Variants in CDH18 observed in about 807,000 individuals in gnomAD.
CDH18 encodes cadherin 18.
CDH18 carries 31 observed loss-of-function variants against 67.9 expected under a neutral mutation model. The ratio of observed to expected loss-of-function variants is 0.46; its 90% CI spans 0.34 to 0.62. CDH18 has a LOEUF of 0.62. CDH18 is among the 20% of genes least tolerant of loss of function. CDH18 has a pLI of 0.01. For missense variants in CDH18, 890 were observed against 975.5 expected (o/e 0.91, Z 1.17); for synonymous variants, 362 against 347.2 (o/e 1.04, Z -0.48).
chr5:20,062,145 T>TTAC (rs1201694922), intron 2 of CDH18, among the ~76,000 whole-genome samples: 1 of 145,274 alleles, frequency 6.9e-6, no homozygotes, highest in African/African-American at 2.5e-5. Context: ...CCCAGAATTA[T>TTAC]TATTATTATT....
intron 1 of CDH18, among the ~76,000 whole-genome samples, chr5:20,517,797 C>T (rs1755470693): frequency 6.6e-6 from 1 of 151,924 alleles, no homozygotes; most frequent in African/African-American, 2.4e-5. Context: ...AGTAAGCATA[C>T]CATGTAGACT....
chr5:20,509,458 AGTG>A (rs1456419142), intron 1 of CDH18, among the ~76,000 whole-genome samples: 1 of 146,588 alleles, frequency 6.8e-6, no homozygotes, highest in African/African-American at 2.5e-5. Flanking sequence ...GCTGGAGTGC[AGTG>A]GCACGATCTT....
intron 1 of CDH18, among the ~76,000 whole-genome samples, chr5:20,417,354 T>C (rs565380332): frequency 3.3e-5 from 5 of 152,178 alleles, no homozygotes; most frequent in Non-Finnish European, 5.9e-5. Context: ...AATTCCTTTT[T>C]GCTTATTACT....
chr5:20,523,209 G>A (rs535574632), intron 1 of CDH18, among the ~76,000 whole-genome samples: 1 of 152,264 alleles, frequency 6.6e-6, no homozygotes, highest in East Asian at 1.9e-4. Flanking sequence ...CTAGGAAAAC[G>A]TTTTCTGAAA....
At chr5:19,591,273 T>C in intron 6 of CDH18, 29 bp from the exon 7 acceptor site, 1 of 1,409,926 alleles carries the variant, frequency 7.1e-7, no homozygotes, top group Non-Finnish European at 9.6e-7. Context: ...TAAACATATT[T>C]AAATACAATG....
At chr5:19,966,363 G>C (rs761180915) in intron 2 of CDH18, among the ~76,000 whole-genome samples, 1 of 152,074 alleles carries the variant, frequency 6.6e-6, no homozygotes, top group African/African-American at 2.4e-5. Flanking sequence ...CTAAAAGTAT[G>C]AAGGCCTGAG....
At chr5:19,614,103 AG>A (rs1487841625) in intron 5 of CDH18, among the ~76,000 whole-genome samples, 1 of 151,062 alleles carries the variant, frequency 6.6e-6, no homozygotes, top group Non-Finnish European at 1.5e-5. Context: ...TTAATTTATG[AG>A]AAGGAGTTAT....
chr5:20,083,453 C>T (rs374794724), intron 2 of CDH18, among the ~76,000 whole-genome samples: 2 of 152,064 alleles, frequency 1.3e-5, no homozygotes. Context: ...GAGAGCAAGT[C>T]TATCAGCATC....
At chr5:19,845,178 A>T (rs568485332) in intron 2 of CDH18, among the ~76,000 whole-genome samples, 38 of 78,694 alleles carry the variant, frequency 4.8e-4, no homozygotes, top group Admixed American at 1.6e-3. Flanking sequence ...TCAAAGAATT[A>T]AAAAAAAATA....
At chr5:19,843,361 C>T (rs571897061) in intron 2 of CDH18, among the ~76,000 whole-genome samples, 1 of 152,266 alleles carries the variant, frequency 6.6e-6, no homozygotes, top group South Asian at 2.1e-4. Context: ...ACCGAGCCTT[C>T]CACCAAGTGC....
intron 3 of CDH18, among the ~76,000 whole-genome samples, chr5:19,802,875 G>C (rs1777614158): frequency 6.6e-6 from 1 of 152,198 alleles, no homozygotes; most frequent in African/African-American, 2.4e-5. Context: ...AATAGTTTAA[G>C]TCTGGTGACG....
intron 5 of CDH18, among the ~76,000 whole-genome samples, chr5:19,708,556 G>C (rs1324231425): frequency 6.6e-6 from 1 of 152,158 alleles, no homozygotes; most frequent in Non-Finnish European, 1.5e-5. Flanking sequence ...ACTCCTGATG[G>C]CTATGATGCC....
chr5:20,348,752 G>T (rs1740912473), intron 1 of CDH18, among the ~76,000 whole-genome samples: 1 of 152,116 alleles, frequency 6.6e-6, no homozygotes, highest in Non-Finnish European at 1.5e-5. Flanking sequence ...GCTTCCAGAT[G>T]AAAGTACTTT....
chr5:19,909,258 G>T (rs1048175173), intron 2 of CDH18, among the ~76,000 whole-genome samples: 1 of 151,542 alleles, frequency 6.6e-6, no homozygotes, highest in African/African-American at 2.4e-5. Flanking sequence ...TAGAGAGGTT[G>T]GGAAGGTAAA....
intron 3 of CDH18, among the ~76,000 whole-genome samples, chr5:19,786,066 AATT>A (rs1030774798): frequency 6.6e-6 from 1 of 152,030 alleles, no homozygotes; most frequent in Non-Finnish European, 1.5e-5. Flanking sequence ...GTGATTTACA[AATT>A]ATTATTTCAT....
At chr5:20,512,772 T>A (rs887768174) in intron 1 of CDH18, among the ~76,000 whole-genome samples, 1 of 151,558 alleles carries the variant, frequency 6.6e-6, no homozygotes, top group African/African-American at 2.4e-5. Flanking sequence ...TAATCCCACC[T>A]ACCTGGGAGG....
At chr5:20,250,629 A>ATTTTTTTT (rs1471381833) in intron 2 of CDH18, among the ~76,000 whole-genome samples, 3 of 54,822 alleles carry the variant, frequency 5.5e-5, no homozygotes, top group African/African-American at 7.6e-5. Flanking sequence ...TCGAGATTTA[A>ATTTTTTTT]TCTTGTTCTG....
At chr5:20,062,961 C>T (rs1455748027) in intron 2 of CDH18, among the ~76,000 whole-genome samples, 2 of 147,054 alleles carry the variant, frequency 1.4e-5, no homozygotes, top group South Asian at 2.1e-4. Flanking sequence ...ATGTACATTG[C>T]ATTTAGTCCA....
At chr5:20,305,614 G>C in intron 1 of CDH18, 12 of 447,906 alleles carry the variant, frequency 2.7e-5, no homozygotes, top group East Asian at 9.7e-5. Context: ...TTGGTGCTCG[G>C]CAAACCCAGA....
Sources: allele counts gnomAD v4.1 joint callset (sites outside exome capture counted in the v4.1 genomes callset), GRCh38; gene constraint gnomAD v4.1.1; transcripts MANE v1.5; gene names NCBI Gene and HGNC (gene_info 2026-07-23, HGNC 2026-07-21).